TRIM7: variants seen among roughly 807,000 people sequenced by gnomAD.
TRIM7 encodes tripartite motif containing 7, also known as E3 ubiquitin-protein ligase TRIM7.
TRIM7 carries 32 observed loss-of-function variants against 37.9 expected under a neutral mutation model. The ratio of observed to expected loss-of-function variants is 0.84; its 90% confidence interval spans 0.64 to 1.13. The LOEUF (loss-of-function observed/expected upper bound fraction) is 1.13. Among genes scored for constraint, TRIM7 ranks in the 50% most tolerant of loss-of-function variants. TRIM7 has a pLI of 0.00. For synonymous variants in TRIM7, 351 were observed against 321.3 expected, an observed-to-expected ratio of 1.09 and a Z score of -0.99; for missense variants, 732 against 714.0, an observed-to-expected ratio of 1.03 and a Z score of -0.29.
intron 1 of TRIM7, chr5:181,204,152 C>A: frequency 1.0e-6 from 1 of 1,003,892 alleles, no homozygotes; most frequent in Non-Finnish European, 1.2e-6. Flanking sequence ...GCGAGGTCCT[C>A]TCACTCAGTT....
intron 2 of TRIM7, chr5:181,203,316 T>C: frequency 7.4e-7 from 1 of 1,342,294 alleles, no homozygotes; most frequent in Non-Finnish European, 9.5e-7. Context: ...AGCTCCAGTT[T>C]AAGCCAGTTG....
At chr5:181,199,284 G>A in intron 3 of TRIM7, 167 bp from the exon 4 acceptor site, 1 of 719,060 alleles carries the variant, frequency 1.4e-6, no homozygotes, top group Non-Finnish European at 2.5e-6. Context: ...GTGGCTGCTG[G>A]CTGCAGGGTG....
At position 181,195,387 on chromosome 5, in the gene TRIM7, C is replaced by T. The variant is rs942925618; in HGVS notation, c.1315G>A (p.Gly439Ser). 5.7e-6 allele frequency: 9 copies of T among 1,584,226 alleles called. No homozygotes were observed. Among genetic ancestry groups the T allele is most frequent in the Admixed American group, 3.6e-5 (2 of 55,438 alleles). The change falls in exon 7 of 7, where the codon GGC becomes AGC. Residue 439 changes from glycine (G) to serine (S), a missense_variant. Coordinates refer to ENST00000274773, the MANE Select transcript of TRIM7 (RefSeq NM_203293.3). ...CTGGTCACGGCCCAGTACTGGCCGC[C>T]GTTGAGCTGCAGGGCCCAGACGCCC... The part of the protein sequence containing the change: ...EEGVWALQLN[G>S]GQYWAVTSPE...
In TRIM7 at chr5:181,195,539, G is replaced by A; in HGVS notation, c.1163C>T (p.Ala388Val). 6.2e-7 allele frequency: 1 copy of A among 1,612,250 alleles called. No homozygotes were observed. Among genetic ancestry groups the A allele is most frequent in the Non-Finnish European group, 8.5e-7 (1 of 1,179,116 alleles). The change falls in exon 7 of 7, where the codon GCG becomes GTG. Residue 388 changes from alanine (A) to valine (V), a missense_variant. Ala to Val is a moderately conservative substitution (Grantham distance 64). Coordinates refer to ENST00000274773, the MANE Select transcript of TRIM7 (RefSeq NM_203293.3). The part of the protein sequence containing the change: ...CRFDTNTRVL[A>V]SCGFSSGRHH... ...CCGGCCCGAGGAGAAGCCGCAGGAC[G>A]CCAGGACGCGGGTGTTGGTGTCGAA...
At chr5:181,200,145 C>G in intron 2 of TRIM7, 64 bp from the exon 3 acceptor site, 1 of 1,613,580 alleles carries the variant, frequency 6.2e-7, no homozygotes, top group Non-Finnish European at 8.5e-7. Context: ...GGCCAGTGGC[C>G]TGAGTCATCC....
At position 181,204,796 on chromosome 5, in the gene TRIM7, G is replaced by A. The variant is rs1582242195; in HGVS notation, c.315C>T (p.Arg105=). The change falls in exon 1 of 7, where the codon CGC becomes CGT. Residue 105 remains arginine (R), a synonymous_variant. Transcript: ENST00000274773. ...CCGGGGCAGCCGCGGGCAGGCTGAA[G>A]CGCCGCAGGAGCGTGGCCACTGCCG... is the stretch of plus-strand genomic sequence containing the variant. The part of the protein sequence containing the change: ...QLAAVATLLR[R]FSLPAAAPGE... The A allele has an allele frequency of 7.0e-7, 1 of 1,423,938 alleles. No homozygotes were observed. The highest frequency in any genetic ancestry group is 1.5e-5 in the South Asian group (1 of 67,846). The allele number at this position is 1,423,938 out of a possible 1,614,324, so 88.2% of individuals were successfully genotyped here.
Position 181,199,844 on chromosome 5 carries a change from G to T in TRIM7, c.849+7C>A. The T allele has an allele frequency of 6.2e-7, 1 of 1,611,672 alleles. No individual in the cohort carries two copies. Among genetic ancestry groups the T allele is most frequent in the Non-Finnish European group, 8.5e-7 (1 of 1,178,718 alleles). On this transcript the variant is annotated splice_region_variant and intron_variant, in intron 3 of 6. Coordinates refer to ENST00000274773, the MANE Select transcript of TRIM7 (RefSeq NM_203293.3). ...ATGACTCGAGCCCCTGGCTGAGCCA[G>T]ACTTACCTGGAGAAAGTCAAGGTCA...
chr5:181,200,937 G>A (rs1757446198), intron 2 of TRIM7: 3 of 985,330 alleles, frequency 3.0e-6, no homozygotes, highest in African/African-American at 3.5e-5. Context: ...GCAGTAGCCT[G>A]GAGCGCCTTA....
At chr5:181,199,742 T>C (rs1757357447) in intron 3 of TRIM7, 109 bp downstream of exon 3, 3 of 1,449,690 alleles carry the variant, frequency 2.1e-6, no homozygotes, top group East Asian at 5.0e-5. Flanking sequence ...CCCCTTCAGC[T>C]CCAGATCATG....
chr5:181,203,267 G>C (rs937696544), intron 2 of TRIM7: 66 of 1,270,046 alleles, frequency 5.2e-5, no homozygotes, highest in Middle Eastern at 6.0e-4. Context: ...GGTATGTTAC[G>C]TAATATCAGA....
intron 2 of TRIM7, chr5:181,200,499 T>A (rs1300120159): frequency 6.5e-6 from 7 of 1,080,142 alleles, no homozygotes; most frequent in Non-Finnish European, 7.9e-6. Flanking sequence ...CTCAAACTTT[T>A]ACACTTCACT....
intron 4 of TRIM7, 104 bp from the exon 5 acceptor site, chr5:181,198,909 G>A (rs1374403843): frequency 7.6e-6 from 9 of 1,181,984 alleles, no homozygotes; most frequent in Non-Finnish European, 1.1e-5. Flanking sequence ...AGGTAGAAAA[G>A]GGAGAGCCAG....
intron 6 of TRIM7, 182 bp from the exon 7 acceptor site, chr5:181,195,859 G>A (rs961542713): frequency 3.4e-5 from 21 of 617,354 alleles, no homozygotes; most frequent in South Asian, 1.9e-4. Context: ...GCTTCCCCCC[G>A]CCCCGACCAC....
Position 181,198,203 on chromosome 5 carries a change from T to A in TRIM7, c.1004A>T (p.Glu335Val). 6.2e-7 allele frequency: 1 copy of A among 1,613,996 alleles called. No homozygotes were observed. Residue 335 changes from glutamate (E) to valine (V), a missense_variant, in exon 6 of 7, where the codon GAG becomes GTG. Coordinates refer to ENST00000274773, the MANE Select transcript of TRIM7 (RefSeq NM_203293.3). ...CCTACCTTTCTCCTCTTTCTCCAGCTCTCCCCGAAGGTCCTCTGAGGAGGA... is the reference window on the plus strand; with the variant it reads ...CCTACCTTTCTCCTCTTTCTCCAGCACTCCCCGAAGGTCCTCTGAGGAGGA... ...LKKFKEDLRG[E>V]LEKEEKVELT... is the part of the protein sequence containing the mutation.
intron 6 of TRIM7, chr5:181,197,890 A>C: frequency 2.1e-6 from 1 of 477,380 alleles, no homozygotes; most frequent in Non-Finnish European, 3.8e-6. Flanking sequence ...TGGAGTGGGG[A>C]CCGGGTAGAG....
intron 3 of TRIM7, 68 bp downstream of exon 3, chr5:181,199,781 ACT>A: frequency 6.6e-7 from 1 of 1,513,208 alleles, no homozygotes; most frequent in Non-Finnish European, 8.8e-7. Context: ...CAGGACTGAC[ACT>A]GTTCTCTAGC....
In TRIM7 at chr5:181,200,454, G is replaced by GCT. The variant is rs574170038; in HGVS notation, c.619-375_619-374dup. The stretch of plus-strand genomic sequence containing the variant: ...GCAACCATAGGATTAAACTGAGATT[G>GCT]CTTTTTCTTCCTCAAGCACATTTAT... On this transcript the variant is annotated intron_variant, in intron 2 of 6. Transcript: ENST00000274773. 281 of 1,191,622 alleles carry GCT rather than the reference G, an allele frequency of 2.4e-4. 1 individual carries two copies. In the South Asian group the frequency reaches 7.4e-3, roughly 31 times the overall value. 73.8% of individuals were successfully genotyped at this position (1,191,622 alleles called of 1,614,324 possible). A position where few individuals can be genotyped will look rare whatever the true frequency, so the allele number is the denominator to read the frequency against.
At position 181,195,316 on chromosome 5, in the gene TRIM7, C is replaced by T; in HGVS notation, c.1386G>A (p.Arg462=). Residue 462 remains arginine, a synonymous_variant, in exon 7 of 7, where the codon CGG becomes CGA. Transcript: ENST00000274773. ...PLSCGHLSRV[R]VALDLEVGAV... is the part of the protein sequence containing the mutation. ...CTCCCACCTCCAGGTCCAGGGCCAC[C>T]CGCACGCGCGACAGGTGCCCGCAGC... 2 of 1,596,194 alleles carry T rather than the reference C, an allele frequency of 1.3e-6. No individual in the cohort carries two copies.
rs1375374397 is a variant in TRIM7, at chr5:181,198,220, TGAG to T, written c.989-5_989-3del. Reference sequence around the variant, plus strand: ...TCTCCAGCTCTCCCCGAAGGTCCTCTGAGGAGGAGAAACAAAGCAAGGCGTGCA... The same window carrying T: ...TCTCCAGCTCTCCCCGAAGGTCCTCTGAGGAGAAACAAAGCAAGGCGTGCA... On this transcript the variant is annotated splice_region_variant and splice_polypyrimidine_tract_variant and intron_variant, in intron 5 of 6. Transcript: ENST00000274773. 1 of 1,613,934 alleles carries T rather than the reference TGAG, an allele frequency of 6.2e-7. No homozygotes were observed. Among genetic ancestry groups the T allele is most frequent in the African/African-American group, 1.3e-5 (1 of 74,890 alleles).
Sources: gnomAD v4.1 joint callset for allele counts on GRCh38, gnomAD v4.1.1 for gene constraint, MANE v1.5 for transcripts, NCBI Gene and HGNC (gene_info 2026-07-23, HGNC 2026-07-21) for gene names.